ZP3: variants seen among roughly 807,000 people sequenced by gnomAD.
ZP3 encodes the protein zona pellucida sperm-binding protein 3.
Under a neutral mutation model 35.6 loss-of-function variants are expected in ZP3, and 21 were observed. The ratio of observed to expected loss-of-function variants is 0.59; its 90% CI spans 0.42 to 0.85. The LOEUF (loss-of-function observed/expected upper bound fraction) is 0.85. Ranked by LOEUF, ZP3 falls within the 40% of genes least tolerant of loss-of-function variation. ZP3 has a pLI of 0.00. For synonymous variants in ZP3, 207 were observed against 214.5 expected (o/e 0.96, Z 0.31); for missense variants, 437 against 536.5 (o/e 0.81, Z 1.83).
intron 1 of ZP3, among the ~76,000 whole-genome samples, chr7:76,416,947 T>C (rs1584047213): frequency 6.7e-5 from 1 of 15,008 alleles, no homozygotes; most frequent in Non-Finnish European, 2.2e-4. Context: ...TATACATACA[T>C]ATATATATAT....
chr7:76,423,457 C>T (rs1805573209), upstream of ZP3, among the ~76,000 whole-genome samples: 1 of 152,138 alleles, frequency 6.6e-6, no homozygotes, highest in African/African-American at 2.4e-5. Context: ...ACAAGGCTGT[C>T]AATCAGTTCA....
At chr7:76,429,351 G>A in intron 1 of ZP3, 164 bp from the exon 2 acceptor site, 1 of 651,366 alleles carries the variant, frequency 1.5e-6, no homozygotes, top group Non-Finnish European at 2.8e-6. Flanking sequence ...GCAATCCTTG[G>A]CCTCCCAAAG....
intron 1 of ZP3, among the ~76,000 whole-genome samples, chr7:76,402,511 G>A (rs957004553): frequency 6.6e-6 from 1 of 151,520 alleles, no homozygotes; most frequent in Admixed American, 6.6e-5. Context: ...AGAGACAGGG[G>A]TCTCACTTTG....
rs768121709 is a variant in ZP3, at chr7:76,440,495, C to T, written c.944C>T (p.Ser315Leu). ...PSNSWFPVEG[S>L]ADICQCCNKG... ...CTCAGCTGGTTCCCAGTGGAAGGCT[C>T]GGCTGACATCTGTCAATGCTGTAAC... The change falls in exon 7 of 8, where the codon TCG becomes TTG. Residue 315 changes from serine (S) to leucine (L), a missense_variant. Ser to Leu is a moderately radical substitution (Grantham distance 145). This residue lies in a region of ZP3 where 41 missense variants were observed against 50.2 expected (regional missense o/e 0.82). Transcript: ENST00000394857. 1.4e-4 allele frequency: 230 copies of T among 1,613,692 alleles called. No individual in the cohort carries two copies. In the East Asian group the frequency reaches 1.7e-3, roughly 12 times the overall value.
upstream of ZP3, among the ~76,000 whole-genome samples, chr7:76,423,031 GAA>G (rs1407806183): frequency 0.037 from 4,221 of 114,222 alleles, 316 homozygotes; most frequent in Non-Finnish European, 0.055. Context: ...GAGAGAGAAA[GAA>G]AGAAAGAAAG....
intron 1 of ZP3, among the ~76,000 whole-genome samples, chr7:76,401,623 G>C (rs1166062548): frequency 6.6e-6 from 1 of 152,096 alleles, no homozygotes; most frequent in African/African-American, 2.4e-5. Flanking sequence ...CGCCATGTTG[G>C]CCAGGCTGGT....
chr7:76,404,182 G>GGTCA (rs1804923875), intron 1 of ZP3: 1 of 1,344,900 alleles, frequency 7.4e-7, no homozygotes, highest in African/African-American at 1.5e-5. Flanking sequence ...TCTGGGCAAA[G>GGTCA]GTCAGCATTG....
At chr7:76,397,602 C>T (rs566830363) in exon 1 of ZP3, 36 of 1,609,526 alleles carry the variant, frequency 2.2e-5, no homozygotes, top group Admixed American at 2.0e-4. Context: ...AGGCGGGGCT[C>T]GCCGCCTTCG....
At chr7:76,397,571 C>A (rs1296071506) in exon 1 of ZP3, 2 of 1,607,676 alleles carry the variant, frequency 1.2e-6, no homozygotes, top group Non-Finnish European at 8.5e-7. Context: ...CACACCCCAG[C>A]CCAGGCTCTG....
intron 4 of ZP3, 93 bp downstream of exon 4, chr7:76,433,740 C>A: frequency 7.3e-7 from 1 of 1,364,718 alleles, no homozygotes; most frequent in Non-Finnish European, 1.0e-6. Context: ...ACTCTGTAAC[C>A]CAGGCTGGAA....
chr7:76,431,666 G>A (rs532906787), intron 2 of ZP3, among the ~76,000 whole-genome samples: 3 of 152,262 alleles, frequency 2.0e-5, no homozygotes, highest in East Asian at 3.9e-4. Context: ...TTGGGAGGCC[G>A]AGGCGGGCGG....
At chr7:76,427,910 C>A (rs567600485) in intron 1 of ZP3, among the ~76,000 whole-genome samples, 4 of 152,190 alleles carry the variant, frequency 2.6e-5, no homozygotes, top group African/African-American at 9.6e-5. Context: ...GACTTCCTGG[C>A]CTCAAGCAAT....
chr7:76,410,998 A>AG (rs1805227776), intron 1 of ZP3, among the ~76,000 whole-genome samples: 1 of 134,748 alleles, frequency 7.4e-6, no homozygotes, highest in Admixed American at 7.6e-5. Context: ...CCATCTCAAA[A>AG]GAAAAAAAAA....
chr7:76,423,017 G>A (rs1470898707), upstream of ZP3, among the ~76,000 whole-genome samples: 1 of 71,842 alleles, frequency 1.4e-5, no homozygotes, highest in African/African-American at 7.7e-5. Flanking sequence ...AAGAGAGAGA[G>A]AGAGAGAGAG....
At chr7:76,423,025 G>GAGAGAGAAAGAAAGAAAGAAAGAAAGAA, upstream of ZP3, among the ~76,000 whole-genome samples, 1 of 75,846 alleles carries the variant, frequency 1.3e-5, no homozygotes, top group Non-Finnish European at 2.7e-5. Flanking sequence ...GAGAGAGAGA[G>GAGAGAGAAAGAAAGAAAGAAAGAAAGAA]AGAAAGAAAG....
intron 1 of ZP3, 181 bp from the exon 2 acceptor site, chr7:76,429,334 G>A: frequency 5.0e-6 from 3 of 604,106 alleles, no homozygotes; most frequent in Non-Finnish European, 9.0e-6. Context: ...CAAACTCCTG[G>A]CCTCAAGCAA....
At chr7:76,417,339 G>A (rs533884386) in intron 1 of ZP3, among the ~76,000 whole-genome samples, 6 of 150,854 alleles carry the variant, frequency 4.0e-5, no homozygotes, top group African/African-American at 1.2e-4. Context: ...GATTACAGGC[G>A]TGAGCCACCG....
At chr7:76,432,804 G>GCTAC in intron 2 of ZP3, 123 bp from the exon 3 acceptor site, 1 of 745,774 alleles carries the variant, frequency 1.3e-6, no homozygotes, top group Non-Finnish European at 2.2e-6. Context: ...TCTCGCACCA[G>GCTAC]CTACCTGGCT....
At chr7:76,436,192 T>C (rs1334064232) in intron 5 of ZP3, among the ~76,000 whole-genome samples, 1 of 151,650 alleles carries the variant, frequency 6.6e-6, no homozygotes, top group African/African-American at 2.4e-5. Flanking sequence ...GCTGAGATTG[T>C]AGGCATACGC....
Sources: gnomAD v4.1 joint callset for allele counts (sites outside exome capture counted in the v4.1 genomes callset) on GRCh38, gnomAD v4.1.1 for gene constraint, gnomAD v4.1.1 regional missense constraint, MANE v1.5 for transcripts, NCBI Gene and HGNC (gene_info 2026-07-23, HGNC 2026-07-21) for gene names.